Variants in SHANK2 observed in about 807,000 individuals in gnomAD.
The protein encoded by SHANK2 is SH3 and multiple ankyrin repeat domains protein 2.
In SHANK2, 43 loss-of-function variants were observed where a neutral mutation model predicts 133.7. The ratio of observed to expected loss-of-function variants is 0.32; its 90% CI spans 0.25 to 0.41. The LOEUF (loss-of-function observed/expected upper bound fraction) is 0.41, where lower values mean the gene tolerates loss of function less well. SHANK2 is among the 10% of genes least tolerant of loss of function. The pLI, the probability that SHANK2 is intolerant of heterozygous loss-of-function variation, is 1.00. For missense variants in SHANK2, 1,994 were observed against 2,235.8 expected (o/e 0.89, Z 2.18); for synonymous variants, 1,017 against 952.8 (o/e 1.07, Z -1.24).
intron 17 of SHANK2, among the ~76,000 whole-genome samples, chr11:70,541,347 T>C (rs980473193): frequency 6.6e-6 from 1 of 152,182 alleles, no homozygotes; most frequent in Non-Finnish European, 1.5e-5. Context: ...ACAGTAGGAA[T>C]AGCCACCGGC....
intron 3 of SHANK2, among the ~76,000 whole-genome samples, chr11:71,131,125 A>G (rs1952296577): frequency 6.6e-6 from 1 of 152,236 alleles, no homozygotes; most frequent in African/African-American, 2.4e-5. Context: ...GTACTTGCAC[A>G]CCTCCAACAA....
intron 11 of SHANK2, among the ~76,000 whole-genome samples, chr11:70,894,332 T>C (rs1949900068): frequency 6.6e-6 from 1 of 152,078 alleles, no homozygotes; most frequent in South Asian, 2.1e-4. Flanking sequence ...GGATTACCGG[T>C]GCCTGCCACC....
rs1555071393 is a variant in SHANK2, at chr11:70,876,614, CACACACACAT to C, written c.1174+19877_1174+19886del. ...ACACACACACACACACACACACGCA[CACACACACAT>C]GCATACACATGCATATATTGCATGT... On this transcript the variant is annotated intron_variant, in intron 11 of 25. Coordinates refer to ENST00000601538, the MANE Select transcript of SHANK2 (RefSeq NM_012309.5). Among the ~76,000 whole-genome samples, 338 of 138,286 alleles carry C rather than the reference CACACACACAT, an allele frequency of 2.4e-3. 2 individuals are homozygous for C. Among genetic ancestry groups the C allele is most frequent in the African/African-American group, 0.011 (320 of 28,626 alleles). 90.7% of individuals were successfully genotyped at this position (138,286 alleles called of 152,430 possible).
intron 9 of SHANK2, among the ~76,000 whole-genome samples, chr11:71,059,177 A>G (rs2135927697): frequency 6.6e-6 from 1 of 152,356 alleles, no homozygotes; most frequent in African/African-American, 2.4e-5. Flanking sequence ...AGACTGTGCC[A>G]TTGCACTCCA....
chr11:70,537,815 G>A (rs994953282), intron 17 of SHANK2, among the ~76,000 whole-genome samples: 2 of 152,244 alleles, frequency 1.3e-5, no homozygotes, highest in Non-Finnish European at 2.9e-5. Context: ...CAGGGACCGT[G>A]TGTGCGGGGC....
chr11:70,837,989 A>G (rs1210002687), intron 11 of SHANK2, among the ~76,000 whole-genome samples: 2 of 150,646 alleles, frequency 1.3e-5, no homozygotes, highest in South Asian at 2.1e-4. Context: ...AAAAAAAAAA[A>G]AAAAAAAAAA....
At chr11:71,078,999 C>A (rs1414455232) in intron 8 of SHANK2, among the ~76,000 whole-genome samples, 2 of 152,192 alleles carry the variant, frequency 1.3e-5, no homozygotes, top group African/African-American at 4.8e-5. Flanking sequence ...CTGGGCTAAG[C>A]CCCCATTTTT....
At chr11:70,877,248 C>T (rs1225742806) in intron 11 of SHANK2, among the ~76,000 whole-genome samples, 6 of 152,330 alleles carry the variant, frequency 3.9e-5, no homozygotes, top group East Asian at 1.9e-4. Flanking sequence ...GCAGGTGTTC[C>T]GAGGGCCCCA....
At chr11:71,082,711 G>C (rs944535492) in intron 8 of SHANK2, among the ~76,000 whole-genome samples, 2 of 152,228 alleles carry the variant, frequency 1.3e-5, no homozygotes, top group African/African-American at 4.8e-5. Flanking sequence ...ATCCGGCCAG[G>C]GATGGGCAGG....
chr11:70,721,036 C>T (rs964084368), intron 14 of SHANK2, among the ~76,000 whole-genome samples: 16 of 147,662 alleles, frequency 1.1e-4, no homozygotes, highest in African/African-American at 3.2e-4. Context: ...CCCGGGCTTC[C>T]GTGTGCCAGG....
At chr11:71,081,845 G>A (rs1301650382) in intron 8 of SHANK2, among the ~76,000 whole-genome samples, 14 of 152,296 alleles carry the variant, frequency 9.2e-5, no homozygotes, top group African/African-American at 3.1e-4. Context: ...TCGGCCGCTC[G>A]TGCCCAGGGG....
chr11:71,125,957 C>T (rs1565465898), intron 3 of SHANK2, among the ~76,000 whole-genome samples: 3 of 152,080 alleles, frequency 2.0e-5, no homozygotes, highest in Admixed American at 1.3e-4. Flanking sequence ...CGGTGGCTCA[C>T]GCCTGTAATC....
chr11:71,160,718 A>C (rs1188848590), intron 2 of SHANK2, among the ~76,000 whole-genome samples: 1 of 152,212 alleles, frequency 6.6e-6, no homozygotes, highest in Non-Finnish European at 1.5e-5. Flanking sequence ...CATGTGTAAA[A>C]CATAACAGAG....
chr11:70,660,063 T>C (rs1565222210), intron 16 of SHANK2, 111 bp from the exon 17 acceptor site: 1 of 1,392,270 alleles, frequency 7.2e-7, no homozygotes. Context: ...CATCTCCCAT[T>C]GCAGGTGGCT....
chr11:71,242,397 T>C (rs1954906407), intron 1 of SHANK2, among the ~76,000 whole-genome samples: 1 of 152,140 alleles, frequency 6.6e-6, no homozygotes, highest in South Asian at 2.1e-4. Context: ...ATGTTATAGG[T>C]ATTTTGCACA....
intron 19 of SHANK2, 53 bp downstream of exon 19, chr11:70,502,153 G>A (rs2059063436): frequency 6.5e-7 from 1 of 1,531,560 alleles, no homozygotes; most frequent in South Asian, 1.2e-5. Context: ...GCAAAGGGCA[G>A]CTCAGGGACC....
At chr11:71,115,782 C>A (rs899169173) in intron 4 of SHANK2, among the ~76,000 whole-genome samples, 1 of 152,096 alleles carries the variant, frequency 6.6e-6, no homozygotes, top group African/African-American at 2.4e-5. Flanking sequence ...GTTTTCCTGC[C>A]GTTATGGAAA....
chr11:70,876,177 T>C (rs1437362598), intron 11 of SHANK2, among the ~76,000 whole-genome samples: 3 of 150,754 alleles, frequency 2.0e-5, no homozygotes, highest in Admixed American at 6.6e-5. Context: ...TATATATACA[T>C]ATATACACAC....
At chr11:70,528,208 G>C (rs782683575) in intron 17 of SHANK2, among the ~76,000 whole-genome samples, 6 of 152,236 alleles carry the variant, frequency 3.9e-5, no homozygotes, top group Non-Finnish European at 5.9e-5. Flanking sequence ...CCCGTCCCCA[G>C]GCGTCCCTGA....
Sources: allele counts gnomAD v4.1 joint callset (sites outside exome capture counted in the v4.1 genomes callset), GRCh38; gene constraint gnomAD v4.1.1; transcripts MANE v1.5; gene names NCBI Gene and HGNC (gene_info 2026-07-23, HGNC 2026-07-21).